Variants in GRID2 observed in about 807,000 individuals in gnomAD.
GRID2 encodes the protein glutamate receptor ionotropic, delta-2.
In GRID2, 33 loss-of-function variants were observed where a neutral mutation model predicts 114.8. The observed-to-expected ratio is 0.29, with a 90% CI of 0.22 to 0.38. GRID2 has a LOEUF of 0.38. Ranked by LOEUF, GRID2 falls within the 10% of genes least tolerant of loss-of-function variation. The probability of loss-of-function intolerance (pLI) is 1.00; values close to 1 mark genes in which losing one functional copy is unlikely to be tolerated. For missense variants in GRID2, 1,184 were observed against 1,257.7 expected, an observed-to-expected ratio of 0.94 and a Z score of 0.89; for synonymous variants, 505 against 449.9, an observed-to-expected ratio of 1.12 and a Z score of -1.55.
intron 14 of GRID2, among the ~76,000 whole-genome samples, chr4:93,660,967 A>T (rs950004482): frequency 6.6e-6 from 1 of 151,958 alleles, no homozygotes; most frequent in Non-Finnish European, 1.5e-5. Flanking sequence ...CACAGGGGGA[A>T]AAAAAAAGCA....
At chr4:92,828,752 G>C (rs182782070) in intron 2 of GRID2, among the ~76,000 whole-genome samples, 8 of 151,946 alleles carry the variant, frequency 5.3e-5, no homozygotes, top group Admixed American at 5.3e-4. Flanking sequence ...TCAAAAATTT[G>C]CTAGCTTTTT....
chr4:93,382,334 C>G (rs531337803), intron 8 of GRID2, among the ~76,000 whole-genome samples: 11 of 152,054 alleles, frequency 7.2e-5, no homozygotes, highest in Non-Finnish European at 1.3e-4. Flanking sequence ...CTCTTCTTTT[C>G]TCTGTCTTCT....
At chr4:92,585,992 TTATTTTATAAGATTATATC>T (rs1404591577) in intron 1 of GRID2, among the ~76,000 whole-genome samples, 14 of 151,748 alleles carry the variant, frequency 9.2e-5, no homozygotes, top group African/African-American at 3.4e-4. Flanking sequence ...TTTAGGTATT[TTATTTTATAAGATTATATC>T]TATTTTATAA....
intron 4 of GRID2, among the ~76,000 whole-genome samples, chr4:93,205,250 TG>T (rs1742579158): frequency 2.0e-5 from 3 of 152,154 alleles, no homozygotes; most frequent in Admixed American, 2.0e-4. Context: ...AACTGAAAAC[TG>T]CCATAGGTTA....
chr4:92,859,285 T>A (rs897086203), intron 2 of GRID2, among the ~76,000 whole-genome samples: 2 of 152,180 alleles, frequency 1.3e-5, no homozygotes, highest in Non-Finnish European at 2.9e-5. Context: ...AATAAAGAAT[T>A]TTTTAAATTA....
rs146978042 is a variant in GRID2 at position 93,474,319 on chromosome 4, G to A, written c.1859-16320G>A. The stretch of plus-strand genomic sequence containing the variant: ...CTCTTACTTGTCATTAGAATCTCTT[G>A]TCATTGCAATATCACCTTCCATCTA... On this transcript the variant is annotated intron_variant, in intron 11 of 15. Transcript: ENST00000282020. Among the ~76,000 whole-genome samples, 776 of 152,158 alleles carry A rather than the reference G, an allele frequency of 5.1e-3. 3 individuals are homozygous for A. The highest frequency in any genetic ancestry group is 7.4e-3 in the Non-Finnish European group (506 of 67,984).
intron 2 of GRID2, among the ~76,000 whole-genome samples, chr4:92,894,360 T>C (rs1373452630): frequency 6.6e-6 from 1 of 152,164 alleles, no homozygotes. Context: ...ATTTAGTGCT[T>C]GCATTTGTAT....
At chr4:93,194,005 A>AT (rs1741241884) in intron 4 of GRID2, among the ~76,000 whole-genome samples, 2 of 152,112 alleles carry the variant, frequency 1.3e-5, no homozygotes, top group African/African-American at 2.4e-5. Flanking sequence ...ATCTTCAAGA[A>AT]TTTTTTCTCT....
intron 2 of GRID2, among the ~76,000 whole-genome samples, chr4:92,785,489 C>G (rs920536978): frequency 6.6e-6 from 1 of 151,392 alleles, no homozygotes; most frequent in Non-Finnish European, 1.5e-5. Flanking sequence ...AAGAAATTAA[C>G]TTTTTTAAGT....
At chr4:92,515,670 G>C (rs576957420) in intron 1 of GRID2, among the ~76,000 whole-genome samples, 104 of 151,946 alleles carry the variant, frequency 6.8e-4, no homozygotes, top group African/African-American at 2.4e-3. Context: ...TATTGTAGAA[G>C]TATATTCACA....
intron 1 of GRID2, among the ~76,000 whole-genome samples, chr4:92,385,499 T>A (rs1729903737): frequency 6.6e-6 from 1 of 151,722 alleles, no homozygotes; most frequent in African/African-American, 2.4e-5. Flanking sequence ...TTTTTTTTCC[T>A]ACAACCATGT....
intron 8 of GRID2, among the ~76,000 whole-genome samples, chr4:93,389,018 G>T (rs1285059182): frequency 6.6e-6 from 1 of 152,086 alleles, no homozygotes; most frequent in Non-Finnish European, 1.5e-5. Flanking sequence ...TTGTTTAGGA[G>T]TAAAGATCTA....
At chr4:93,356,933 T>G (rs1448466831) in intron 8 of GRID2, among the ~76,000 whole-genome samples, 1 of 151,836 alleles carries the variant, frequency 6.6e-6, no homozygotes, top group Non-Finnish European at 1.5e-5. Context: ...TATTTCTTTA[T>G]AAGGACAAAT....
intron 2 of GRID2, among the ~76,000 whole-genome samples, chr4:92,869,106 C>G (rs1325680924): frequency 6.6e-6 from 1 of 152,110 alleles, no homozygotes; most frequent in Non-Finnish European, 1.5e-5. Flanking sequence ...GCCTCTTTCT[C>G]TCTTTCTTTT....
chr4:92,643,643 T>A (rs1731471041), intron 2 of GRID2, among the ~76,000 whole-genome samples: 1 of 151,656 alleles, frequency 6.6e-6, no homozygotes, highest in African/African-American at 2.4e-5. Context: ...AAATAAAAAA[T>A]TTCTATATAC....
chr4:93,325,765 T>C (rs1757766227), intron 8 of GRID2, among the ~76,000 whole-genome samples: 1 of 152,166 alleles, frequency 6.6e-6, no homozygotes, highest in Non-Finnish European at 1.5e-5. Flanking sequence ...GAAACCATTA[T>C]TAACATTCTT....
intron 1 of GRID2, among the ~76,000 whole-genome samples, chr4:92,317,528 T>A (rs184858407): frequency 1.2e-3 from 182 of 152,310 alleles, no homozygotes; most frequent in African/African-American, 4.1e-3. Flanking sequence ...CTGGCTGCTT[T>A]GATTTTTTCT....
At chr4:93,106,075 C>T (rs1314364298) in intron 3 of GRID2, among the ~76,000 whole-genome samples, 1 of 152,154 alleles carries the variant, frequency 6.6e-6, no homozygotes, top group Non-Finnish European at 1.5e-5. Flanking sequence ...AGCCTTCCAC[C>T]ACCTGTTGTT....
intron 2 of GRID2, among the ~76,000 whole-genome samples, chr4:93,009,501 C>G (rs1721898076): frequency 6.6e-6 from 1 of 152,124 alleles, no homozygotes; most frequent in Admixed American, 6.6e-5. Flanking sequence ...AAAAATCTTC[C>G]TTATTCTCTT....
Sources: allele counts gnomAD v4.1 joint callset (sites outside exome capture counted in the v4.1 genomes callset), GRCh38; gene constraint gnomAD v4.1.1; transcripts MANE v1.5; gene names NCBI Gene and HGNC (gene_info 2026-07-23, HGNC 2026-07-21).